Variants in OTC observed in about 807,000 individuals in gnomAD.
OTC encodes ornithine transcarbamylase.
In OTC, 3 loss-of-function variants were observed where a neutral mutation model predicts 30.3. The observed-to-expected ratio is 0.10, with a 90% CI of 0.05 to 0.26. The LOEUF (loss-of-function observed/expected upper bound fraction) is 0.26, where lower values mean the gene tolerates loss of function less well. OTC is among the 10% of genes least tolerant of loss of function. OTC has a pLI of 1.00. For missense variants in OTC, 194 were observed against 260.3 expected (o/e 0.75, Z 1.75); for synonymous variants, 111 against 99.7 (o/e 1.11, Z -0.67).
At chrX:38,349,437 C>T (rs1386214991), upstream of OTC, among the ~76,000 whole-genome samples, 3 of 112,498 alleles carry the variant, frequency 2.7e-5, no homozygotes, top group Non-Finnish European at 5.6e-5. Context: ...AGGCTCTGTC[C>T]TCATGAATAG....
intron 6 of OTC, among the ~76,000 whole-genome samples, chrX:38,406,972 C>T (rs959935332): frequency 8.9e-6 from 1 of 112,530 alleles, no homozygotes. Context: ...CCTAGACATG[C>T]CTGTCACAGG....
At chrX:38,368,117 T>G (rs2068306046) in intron 2 of OTC, among the ~76,000 whole-genome samples, 2 of 34,341 alleles carry the variant, frequency 5.8e-5, no homozygotes, top group South Asian at 2.8e-3. Context: ...ATCCCAGCAC[T>G]TAGGGAGGCC....
chrX:38,327,922 G>A, the OTC span, among the ~76,000 whole-genome samples: 2 of 112,889 alleles, frequency 1.8e-5, no homozygotes, highest in South Asian at 7.3e-4. Flanking sequence ...CCAACATCTG[G>A]CCTATACTGA....
intron 3 of OTC, among the ~76,000 whole-genome samples, chrX:38,377,751 A>G (rs988059568): frequency 8.9e-6 from 1 of 111,935 alleles, no homozygotes; most frequent in Non-Finnish European, 1.9e-5. Flanking sequence ...TTTTATCCAG[A>G]CAAAAGTCAA....
At chrX:38,356,050 CAAAAAAAA>C (rs138806207) in intron 1 of OTC, among the ~76,000 whole-genome samples, 1 of 52,694 alleles carries the variant, frequency 1.9e-5, no homozygotes, top group Non-Finnish European at 3.4e-5. Flanking sequence ...GACTCTGTCT[CAAAAAAAA>C]AAAAAAAAAA....
chrX:38,403,534 A>G lies in OTC; in HGVS notation c.541-84A>G, dbSNP rs184104877. 286 of 1,030,826 alleles carry G rather than the reference A, an allele frequency of 2.8e-4. 2 individuals are homozygous for G. The African/African-American group carries it at 3.8e-3, about 14-fold the overall frequency. The allele number at this position is 1,030,826 out of a possible 1,213,427, so 85.0% of individuals were successfully genotyped here. Reference sequence around the variant, plus strand: ...TAACAAGGCACTAATACTGAGATTAAGACTATTTATTTTAACCTTAGTAAT... The same window carrying G: ...TAACAAGGCACTAATACTGAGATTAGGACTATTTATTTTAACCTTAGTAAT... On this transcript the variant is annotated intron_variant, in intron 5 of 9. Transcript: ENST00000039007.
intron 5 of OTC, 102 bp downstream of exon 5, chrX:38,401,530 T>C: frequency 1.5e-6 from 1 of 650,572 alleles, no homozygotes; most frequent in South Asian, 2.3e-5. Context: ...TGTTTTATTT[T>C]CAAATACCAG....
chrX:38,375,669 G>A (rs1278159978), intron 3 of OTC, among the ~76,000 whole-genome samples: 1 of 111,403 alleles, frequency 9.0e-6, no homozygotes, highest in Non-Finnish European at 1.9e-5. Flanking sequence ...TTGGGAATTC[G>A]GTCTTAGATA....
intron 3 of OTC, among the ~76,000 whole-genome samples, chrX:38,380,831 C>T (rs1189708655): frequency 5.4e-5 from 6 of 111,543 alleles, no homozygotes; most frequent in African/African-American, 2.0e-4. Context: ...CAGATTCAAG[C>T]GATTCTCCTG....
intron 3 of OTC, among the ~76,000 whole-genome samples, chrX:38,374,232 T>C (rs1300154637): frequency 9.0e-6 from 1 of 111,532 alleles, no homozygotes; most frequent in Non-Finnish European, 1.9e-5. Flanking sequence ...AAATAGCTGA[T>C]GTGAAAGCAT....
chrX:38,402,615 T>C (rs1309112932), intron 5 of OTC, among the ~76,000 whole-genome samples: 1 of 111,842 alleles, frequency 8.9e-6, no homozygotes, highest in African/African-American at 3.2e-5. Flanking sequence ...CACACAGTTT[T>C]GTCAATTCTT....
At chrX:38,377,651 T>G (rs757606494) in intron 3 of OTC, among the ~76,000 whole-genome samples, 1 of 111,918 alleles carries the variant, frequency 8.9e-6, no homozygotes, top group African/African-American at 3.3e-5. Flanking sequence ...TCCTGACTTG[T>G]CTCCCTGCTT....
chrX:38,420,444 A>T (rs2147349729), intron 9 of OTC, among the ~76,000 whole-genome samples: 1 of 111,097 alleles, frequency 9.0e-6, no homozygotes, highest in East Asian at 2.8e-4. Context: ...TGATATTATT[A>T]TTGTCATTCT....
At chrX:38,396,814 AAGTT>A (rs992383217) in intron 4 of OTC, among the ~76,000 whole-genome samples, 1 of 111,827 alleles carries the variant, frequency 8.9e-6, no homozygotes, top group Non-Finnish European at 1.9e-5. Flanking sequence ...ACATTTAACT[AAGTT>A]AGTATTTTGG....
chrX:38,408,770 A>G lies in OTC; in HGVS notation c.692A>G (p.Lys231Arg), dbSNP rs1442146238. 8.3e-7 allele frequency: 1 copy of G among 1,205,604 alleles called. No homozygotes were observed. ...KGYEPDASVT[K>R]LAEQYAKENG... ...TATGAGCCGGATGCTAGTGTAACCA[A>G]GTTGGCAGAGCAGTATGCCAAAGAG... Residue 231 changes from lysine to arginine, a missense_variant, in exon 7 of 10, where the codon AAG becomes AGG. Transcript: ENST00000039007.
At chrX:38,364,772 A>G (rs2068287209) in intron 1 of OTC, among the ~76,000 whole-genome samples, 1 of 103,267 alleles carries the variant, frequency 9.7e-6, no homozygotes, top group Non-Finnish European at 2.0e-5. Flanking sequence ...AGCCTGGGCA[A>G]CAGAGCAAGA....
intron 4 of OTC, among the ~76,000 whole-genome samples, chrX:38,385,955 C>T (rs138896135): frequency 0.022 from 2,381 of 109,163 alleles, 67 homozygotes; most frequent in African/African-American, 0.076. Flanking sequence ...AAAAAAATTC[C>T]GCACACCTGT....
upstream of OTC, among the ~76,000 whole-genome samples, chrX:38,349,645 T>A: frequency 8.9e-6 from 1 of 112,689 alleles, no homozygotes; most frequent in Non-Finnish European, 1.9e-5. Context: ...GTAAGCCAAA[T>A]CAACTTTTCT....
At chrX:38,415,060 AATT>A (rs1260195299) in intron 9 of OTC, among the ~76,000 whole-genome samples, 1 of 110,387 alleles carries the variant, frequency 9.1e-6, no homozygotes, top group African/African-American at 3.3e-5. Flanking sequence ...TAGGCAAATA[AATT>A]ATTATTATTA....
Sources: allele counts gnomAD v4.1 joint callset (sites outside exome capture counted in the v4.1 genomes callset), GRCh38; gene constraint gnomAD v4.1.1; transcripts MANE v1.5; gene names NCBI Gene and HGNC (gene_info 2026-07-23, HGNC 2026-07-21).